The following LAMA4 variants were observed in gnomAD, a reference collection of about 807,000 sequenced individuals.
The protein encoded by LAMA4 is laminin subunit alpha 4, also known as laminin subunit alpha-4.
A neutral mutation model predicts 207.1 loss-of-function variants in LAMA4; 127 were observed. That is an observed-to-expected ratio of 0.61 (90% CI 0.53 to 0.71). The LOEUF (loss-of-function observed/expected upper bound fraction) is 0.71, where lower values mean the gene tolerates loss of function less well. LAMA4 is among the 30% of genes least tolerant of loss of function. The pLI, the probability that LAMA4 is intolerant of heterozygous loss-of-function variation, is 0.00. For synonymous variants in LAMA4, 761 were observed against 816.0 expected (o/e 0.93, Z 1.15); for missense variants, 2,093 against 2,246.5 (o/e 0.93, Z 1.38).
intron 30 of LAMA4, 84 bp downstream of exon 30, chr6:112,129,792 A>G (rs1778920328): frequency 4.6e-6 from 5 of 1,098,230 alleles, no homozygotes; most frequent in Non-Finnish European, 6.7e-6. Context: ...GATACATTTC[A>G]TAGTTCTCAG....
chr6:112,201,649 C>T lies in LAMA4; in HGVS notation c.462G>A (p.Arg154=), dbSNP rs782607761. 7 of 1,613,782 alleles carry T rather than the reference C, an allele frequency of 4.3e-6. No individual in the cohort carries two copies. Among genetic ancestry groups the T allele is most frequent in the African/African-American group, 2.7e-5 (2 of 74,886 alleles). Residue 154 remains arginine, a synonymous_variant, in exon 5 of 39, where the codon CGG becomes CGA. Transcript: ENST00000230538. ...ESCYRKNGAV[R]CICNENYAGP... Reference sequence around the variant, plus strand: ...CAGCATAATTTTCGTTACAAATGCACCGAACAGCTCCATTTTTCCTATAGC... The same window carrying T: ...CAGCATAATTTTCGTTACAAATGCATCGAACAGCTCCATTTTTCCTATAGC...
chr6:112,240,042 C>A (rs1271735348), intron 2 of LAMA4, among the ~76,000 whole-genome samples: 2 of 151,708 alleles, frequency 1.3e-5, no homozygotes, highest in East Asian at 1.9e-4. Flanking sequence ...GGCGACAGAG[C>A]GAGACTCTGT....
intron 17 of LAMA4, among the ~76,000 whole-genome samples, chr6:112,150,184 A>T (rs1261426505): frequency 6.7e-6 from 1 of 150,008 alleles, no homozygotes; most frequent in Admixed American, 6.7e-5. Flanking sequence ...CACTATAAAC[A>T]GCATGATCCC....
chr6:112,251,093 T>C (rs1554189759), intron 2 of LAMA4, among the ~76,000 whole-genome samples: 1 of 152,190 alleles, frequency 6.6e-6, no homozygotes, highest in East Asian at 1.9e-4. Context: ...GTAGATTAAG[T>C]GTCAAGAAGC....
intron 17 of LAMA4, among the ~76,000 whole-genome samples, chr6:112,148,705 ATAT>A (rs1382448396): frequency 1.2e-4 from 11 of 91,346 alleles, no homozygotes; most frequent in African/African-American, 3.6e-4. Context: ...ATAAAGAAAG[ATAT>A]TTTTTTAATA....
At chr6:112,141,632 C>T (rs991120783) in intron 20 of LAMA4, 129 bp from the exon 21 acceptor site, 65 of 749,466 alleles carry the variant, frequency 8.7e-5, no homozygotes, top group Non-Finnish European at 1.3e-4. Context: ...AATTATTATC[C>T]GAAGCTCCTG....
chr6:112,187,663 A>G, intron 7 of LAMA4, 62 bp from the exon 8 acceptor site: 2 of 1,508,866 alleles, frequency 1.3e-6, no homozygotes, highest in African/African-American at 1.4e-5. Context: ...AGGCCGTTTT[A>G]GCAGAACATA....
chr6:112,233,746 T>C (rs138426416), intron 2 of LAMA4, among the ~76,000 whole-genome samples: 41 of 152,364 alleles, frequency 2.7e-4, no homozygotes, highest in African/African-American at 9.9e-4. Context: ...GCTAAACTTA[T>C]ATTCTGTCTG....
chr6:112,139,943 A>T, intron 22 of LAMA4, 58 bp from the exon 23 acceptor site: 2 of 1,548,406 alleles, frequency 1.3e-6, no homozygotes, highest in Non-Finnish European at 1.8e-6. Context: ...CTCAGACATC[A>T]CAGAACAGAC....
At chr6:112,167,147 G>A (rs1554340235) in intron 12 of LAMA4, among the ~76,000 whole-genome samples, 1 of 152,210 alleles carries the variant, frequency 6.6e-6, no homozygotes, top group Non-Finnish European at 1.5e-5. Context: ...ATTAAGCTCT[G>A]TGGGTACTTT....
intron 2 of LAMA4, among the ~76,000 whole-genome samples, chr6:112,235,132 A>G (rs1785823616): frequency 6.6e-6 from 1 of 152,152 alleles, no homozygotes; most frequent in Non-Finnish European, 1.5e-5. Flanking sequence ...CTGCCTCCCA[A>G]AAACCTTCCT....
In LAMA4 at chr6:112,220,967, T is replaced by C. The variant is rs539106842; in HGVS notation, c.196-4498A>G. 2.6e-4 allele frequency among the ~76,000 whole-genome samples: 39 copies of C among 152,290 alleles called. No homozygotes were observed. The South Asian group carries it at 5.2e-3, about 20-fold the overall frequency. On this transcript the variant is annotated intron_variant, in intron 2 of 38. Coordinates refer to ENST00000230538, the MANE Select transcript of LAMA4 (RefSeq NM_001105206.3). ...TTGCCCACAAGCCACTACTTTTGCA[T>C]AGATACAGAATCTCAGAGAACTTCA... is the stretch of plus-strand genomic sequence containing the variant.
intron 6 of LAMA4, among the ~76,000 whole-genome samples, chr6:112,190,964 CTT>C (rs1783072865): frequency 7.9e-6 from 1 of 126,222 alleles, no homozygotes; most frequent in Admixed American, 8.6e-5. Context: ...TTCTTTCTTT[CTT>C]TCTTTCTTTC....
intron 10 of LAMA4, among the ~76,000 whole-genome samples, chr6:112,176,175 G>A (rs1554343676): frequency 1.3e-5 from 2 of 152,222 alleles, no homozygotes; most frequent in Admixed American, 1.3e-4. Flanking sequence ...CCATAAGTCA[G>A]GTGGAGAATT....
At chr6:112,211,356 C>T (rs1292964659) in intron 3 of LAMA4, among the ~76,000 whole-genome samples, 4 of 152,126 alleles carry the variant, frequency 2.6e-5, no homozygotes, top group Non-Finnish European at 5.9e-5. Flanking sequence ...AGAAGTGACC[C>T]AAGTATCTCA....
chr6:112,252,779 G>A (rs1417688750), intron 2 of LAMA4, among the ~76,000 whole-genome samples: 1 of 152,080 alleles, frequency 6.6e-6, no homozygotes, highest in Non-Finnish European at 1.5e-5. Context: ...AGTCCCTCCT[G>A]GTCTGGCTTC....
chr6:112,134,537 T>C lies in LAMA4; in HGVS notation c.3487A>G (p.Asn1163Asp). 1 of 1,611,780 alleles carries C rather than the reference T, an allele frequency of 6.2e-7. No individual in the cohort carries two copies. Among genetic ancestry groups the C allele is most frequent in the Non-Finnish European group, 8.5e-7 (1 of 1,178,050 alleles). The change falls in exon 26 of 39, where the codon AAT becomes GAT. Residue 1163 changes from asparagine (N) to aspartate (D), a missense_variant. This residue lies in a region of LAMA4 where 1,704 missense variants were observed against 1,788.4 expected (regional missense o/e 0.95). Coordinates refer to ENST00000230538, the MANE Select transcript of LAMA4 (RefSeq NM_001105206.3). ...GTAAAAGGTATTTTCATCTTTTCAT[T>C]ATCCATGCTCTTGACATGCCTTCTG... is the stretch of plus-strand genomic sequence containing the variant. ...VDRRHVKSMDNEKMKIPFTDI... is the reference protein window; with the variant it reads ...VDRRHVKSMDDEKMKIPFTDI...
chr6:112,213,808 G>C, intron 3 of LAMA4: 1 of 388,224 alleles, frequency 2.6e-6, no homozygotes, highest in Non-Finnish European at 4.6e-6. Context: ...GAACAAGGCA[G>C]ATACAGAGGT....
chr6:112,146,446 A>G lies in LAMA4; in HGVS notation c.2354-1513T>C, dbSNP rs149918714. ...GCAGCAGCATCACCAGGAACTTGTC[A>G]GAAATGCAAGTTCTTGGCCCTGTCC... On this transcript the variant is annotated intron_variant, in intron 18 of 38. Transcript: ENST00000230538. Among the ~76,000 whole-genome samples, 185 of 152,330 alleles carry G rather than the reference A, an allele frequency of 1.2e-3. 1 individual carries two copies. Among genetic ancestry groups the G allele is most frequent in the African/African-American group, 4.1e-3 (170 of 41,588 alleles).
Sources: gnomAD v4.1 joint callset for allele counts (sites outside exome capture counted in the v4.1 genomes callset) on GRCh38, gnomAD v4.1.1 for gene constraint, gnomAD v4.1.1 regional missense constraint, MANE v1.5 for transcripts, NCBI Gene and HGNC (gene_info 2026-07-23, HGNC 2026-07-21) for gene names.